The following EHD4 variants were observed in gnomAD, a reference collection of about 807,000 sequenced individuals.
EHD4 encodes EH domain containing 4.
A neutral mutation model predicts 51.0 loss-of-function variants in EHD4; 37 were observed. The observed-to-expected ratio is 0.73, with a 90% CI of 0.56 to 0.95. EHD4 has a LOEUF of 0.95. EHD4 is among the 40% of genes least tolerant of loss of function. The probability of loss-of-function intolerance (pLI) is 0.00; values close to 1 mark genes in which losing one functional copy is unlikely to be tolerated. For synonymous variants in EHD4, 297 were observed against 317.3 expected (o/e 0.94, Z 0.68); for missense variants, 632 against 733.1 (o/e 0.86, Z 1.59).
chr15:41,903,366 A>C (rs2067491168), intron 5 of EHD4, among the ~76,000 whole-genome samples: 1 of 151,492 alleles, frequency 6.6e-6, no homozygotes, highest in Non-Finnish European at 1.5e-5. Flanking sequence ...AAGCAAAACT[A>C]AAAATTTAAA....
rs138277446 is a variant in EHD4, at chr15:41,900,939, C to T, written c.1332G>A (p.Val444=). 1.1e-5 allele frequency: 18 copies of T among 1,613,874 alleles called. No homozygotes were observed. The African/African-American group carries it at 2.1e-4, about 19-fold the overall frequency. ...KEGADEEEWV[V]AKDKPVYDEL... ...CGTCGTAGACGGGCTTGTCTTTGGC[C>T]ACGACCCACTCCTCCTCGTCGGCGC... The change falls in exon 6 of 6, where the codon GTG becomes GTA. Residue 444 remains valine (V), a synonymous_variant. Coordinates refer to ENST00000220325, the MANE Select transcript of EHD4 (RefSeq NM_139265.4). This position sits in a 1 kb window ranked among gnomAD's most constrained non-coding sequence, Gnocchi z 4.8.
In EHD4 at chr15:41,900,647, A is replaced by G; in HGVS notation, c.1624T>C (p.Ter542ArgextTer51). 1 of 1,586,428 alleles carries G rather than the reference A, an allele frequency of 6.3e-7. No individual in the cohort carries two copies. Among genetic ancestry groups the G allele is most frequent in the Non-Finnish European group, 8.5e-7 (1 of 1,170,288 alleles). Reference sequence around the variant, plus strand: ...CACCCCGTTCTGCAGCCCACCCCTCAGTCGGCCTTGGGCAGGGACTTCCTG... The same window carrying G: ...CACCCCGTTCTGCAGCCCACCCCTCGGTCGGCCTTGGGCAGGGACTTCCTG... Reference protein sequence around the residue: ...SHRKSLPKAD* With the variant: ...SHRKSLPKADR Residue 542 changes from the stop codon to arginine, a stop_lost, in exon 6 of 6, where the codon TGA (stop) becomes CGA (arginine). Transcript: ENST00000220325. This position sits in a 1 kb window ranked among gnomAD's most constrained non-coding sequence, Gnocchi z 4.8.
At chr15:41,970,677 T>C (rs1489013289) in intron 1 of EHD4, among the ~76,000 whole-genome samples, 1 of 152,210 alleles carries the variant, frequency 6.6e-6, no homozygotes, top group Non-Finnish European at 1.5e-5. Context: ...AGGGGCTCCC[T>C]GATGACACCT....
Position 41,919,806 on chromosome 15 carries a change from G to C in EHD4, c.512-184C>G, listed in dbSNP as rs139492372. Among the ~76,000 whole-genome samples the C allele has an allele frequency of 2.6e-4, 39 of 152,132 alleles. 1 individual carries two copies. In the East Asian group the frequency reaches 7.4e-3, roughly 29 times the overall value. Reference sequence around the variant, plus strand: ...GGATGAATCCGGGTGGGAAGGACCTGGGGAGCCCTTCCACAGGAGGAGGGA... The same window carrying C: ...GGATGAATCCGGGTGGGAAGGACCTCGGGAGCCCTTCCACAGGAGGAGGGA... On this transcript the variant is annotated intron_variant, in intron 3 of 5. Transcript: ENST00000220325.
At chr15:41,937,118 T>A (rs1398987629) in intron 3 of EHD4, among the ~76,000 whole-genome samples, 1 of 152,222 alleles carries the variant, frequency 6.6e-6, no homozygotes, top group Non-Finnish European at 1.5e-5. Flanking sequence ...TGTGGCTGCA[T>A]GTTCTATTCT....
intron 5 of EHD4, among the ~76,000 whole-genome samples, chr15:41,902,942 G>C (rs1216539582): frequency 1.3e-5 from 2 of 150,988 alleles, no homozygotes; most frequent in African/African-American, 2.4e-5. Flanking sequence ...TGCCCAGGGG[G>C]ACCCCTGGGG....
rs1434484228 is a variant in EHD4, at chr15:41,897,814, T to A, written c.*2831A>T. 5 of 152,228 alleles carry A rather than the reference T, an allele frequency of 3.3e-5. No individual in the cohort carries two copies. Among genetic ancestry groups the A allele is most frequent in the African/African-American group, 1.2e-4 (5 of 41,442 alleles). The allele number at this position is 152,228 out of a possible 1,614,324, so 9.4% of individuals were successfully genotyped here. On this transcript the variant is annotated 3_prime_UTR_variant, in exon 6 of 6. Coordinates refer to ENST00000220325, the MANE Select transcript of EHD4 (RefSeq NM_139265.4). ...GAAAACAGGGCCTCAGCTTCTTAGA[T>A]GTTGTAGTTCTAGAGTTTAGGTACT... is the stretch of plus-strand genomic sequence containing the variant.
intron 1 of EHD4, among the ~76,000 whole-genome samples, chr15:41,955,780 T>C (rs974452779): frequency 6.6e-6 from 1 of 152,200 alleles, no homozygotes; most frequent in Admixed American, 6.5e-5. Context: ...CCAGCCTCTA[T>C]GGAGTGGATG....
intron 1 of EHD4, among the ~76,000 whole-genome samples, chr15:41,967,949 A>G (rs2067971004): frequency 6.6e-6 from 1 of 152,198 alleles, no homozygotes; most frequent in African/African-American, 2.4e-5. Flanking sequence ...AGAGCTCCTC[A>G]GCCTGTGGTT....
At chr15:41,926,309 AG>A in intron 3 of EHD4, 1 of 152,508 alleles carries the variant, frequency 6.6e-6, no homozygotes, top group Non-Finnish European at 1.5e-5. Context: ...TGGGGTGGGC[AG>A]GGCCACTTGC....
chr15:41,901,731 G>A (rs1018641474), intron 5 of EHD4, among the ~76,000 whole-genome samples: 5 of 152,134 alleles, frequency 3.3e-5, no homozygotes, highest in Admixed American at 1.3e-4. Context: ...TTCGGAACAC[G>A]TAAAAAAATG....
chr15:41,938,779 T>C (rs2067748011), intron 3 of EHD4, among the ~76,000 whole-genome samples: 1 of 152,202 alleles, frequency 6.6e-6, no homozygotes, highest in African/African-American at 2.4e-5. Context: ...GAATAATCTG[T>C]GGTTAAAACA....
At chr15:41,928,796 A>T (rs1390040143) in intron 3 of EHD4, 1 of 152,196 alleles carries the variant, frequency 6.6e-6, no homozygotes, top group Non-Finnish European at 1.5e-5. Flanking sequence ...GTCCCCAATC[A>T]GCGGGAGCAA....
At chr15:41,912,191 T>C (rs1469246610) in intron 4 of EHD4, among the ~76,000 whole-genome samples, 2 of 152,148 alleles carry the variant, frequency 1.3e-5, no homozygotes, top group Non-Finnish European at 2.9e-5. Flanking sequence ...TTCCGCCAGC[T>C]TGGTGCCACC....
intron 2 of EHD4, among the ~76,000 whole-genome samples, chr15:41,950,755 T>A (rs2067847901): frequency 2.0e-5 from 3 of 152,166 alleles, no homozygotes; most frequent in African/African-American, 7.2e-5. Context: ...AGCAGAGGCA[T>A]AGGGTGTGGG....
intron 1 of EHD4, among the ~76,000 whole-genome samples, chr15:41,964,144 CAAAAAAAAA>C (rs755699829): frequency 7.5e-5 from 2 of 26,538 alleles, no homozygotes; most frequent in Non-Finnish European, 1.7e-4. Context: ...GACTCCATCT[CAAAAAAAAA>C]AAAAAAAAAA....
intron 2 of EHD4, among the ~76,000 whole-genome samples, chr15:41,944,812 A>G (rs942390250): frequency 6.6e-6 from 1 of 152,206 alleles, no homozygotes; most frequent in Non-Finnish European, 1.5e-5. Flanking sequence ...TAAAAACCTC[A>G]TAACATTAAA....
At chr15:41,949,051 T>TACACAC (rs1168501155) in intron 2 of EHD4, among the ~76,000 whole-genome samples, 21 of 109,432 alleles carry the variant, frequency 1.9e-4, no homozygotes, top group Admixed American at 2.8e-4. Flanking sequence ...TATATATATA[T>TACACAC]ACACACATAC....
At chr15:41,918,572 C>T (rs935977110) in intron 4 of EHD4, among the ~76,000 whole-genome samples, 1 of 152,226 alleles carries the variant, frequency 6.6e-6, no homozygotes, top group Admixed American at 6.5e-5. Context: ...CCATTGGGCA[C>T]ACACTCCTGG....
Sources: allele counts gnomAD v4.1 joint callset (sites outside exome capture counted in the v4.1 genomes callset), GRCh38; gene constraint gnomAD v4.1.1; non-coding constraint Gnocchi (gnomAD v3.1); transcripts MANE v1.5; gene names NCBI Gene and HGNC (gene_info 2026-07-23, HGNC 2026-07-21).